Variants in POU6F2 observed in about 807,000 individuals in gnomAD.
POU6F2 encodes POU class 6 homeobox 2.
In POU6F2, 31 loss-of-function variants were observed where a neutral mutation model predicts 71.3. That is an observed-to-expected ratio of 0.43 (90% confidence interval 0.33 to 0.59). The LOEUF (loss-of-function observed/expected upper bound fraction) is 0.59, where lower values mean the gene tolerates loss of function less well. Among genes scored for constraint, POU6F2 ranks in the 20% least tolerant of loss-of-function variants. POU6F2 has a pLI of 0.04. For missense variants in POU6F2, 783 were observed against 856.8 expected, an observed-to-expected ratio of 0.91 and a Z score of 1.07; for synonymous variants, 347 against 355.7, an observed-to-expected ratio of 0.98 and a Z score of 0.27.
chr7:39,279,501 G>A (rs942429495), intron 4 of POU6F2, among the ~76,000 whole-genome samples: 2 of 152,168 alleles, frequency 1.3e-5, no homozygotes, highest in African/African-American at 4.8e-5. Flanking sequence ...CACAAACTGG[G>A]TGGCCTAAAG....
At chr7:39,067,923 A>G (rs1230148609) in intron 1 of POU6F2, among the ~76,000 whole-genome samples, 1 of 152,208 alleles carries the variant, frequency 6.6e-6, no homozygotes, top group Non-Finnish European at 1.5e-5. Flanking sequence ...TACAAAAGAG[A>G]GGCTTTCTCA....
At chr7:39,219,213 A>C (rs1232578107) in intron 4 of POU6F2, among the ~76,000 whole-genome samples, 1 of 152,190 alleles carries the variant, frequency 6.6e-6, no homozygotes, top group East Asian at 1.9e-4. Flanking sequence ...GGAGCCCCCC[A>C]AAAAAGTATG....
chr7:39,309,565 A>C (rs1387143974), intron 4 of POU6F2, among the ~76,000 whole-genome samples: 1 of 152,224 alleles, frequency 6.6e-6, no homozygotes, highest in African/African-American at 2.4e-5. Context: ...CCTTTAAAAA[A>C]AATTTTTTTT....
At chr7:39,432,355 T>G (rs554121398) in intron 6 of POU6F2, among the ~76,000 whole-genome samples, 65 of 152,268 alleles carry the variant, frequency 4.3e-4, no homozygotes, top group African/African-American at 1.5e-3. Flanking sequence ...CTGATTTCAG[T>G]CCTCAGTAGT....
chr7:39,274,427 G>C (rs1444616271), intron 4 of POU6F2, among the ~76,000 whole-genome samples: 28 of 143,714 alleles, frequency 1.9e-4, no homozygotes, highest in South Asian at 7.1e-4. Context: ...CAACCAAAAA[G>C]AGTCCAGGAC....
chr7:39,424,311 A>G (rs1787919035), intron 6 of POU6F2, among the ~76,000 whole-genome samples: 1 of 152,184 alleles, frequency 6.6e-6, no homozygotes, highest in Non-Finnish European at 1.5e-5. Flanking sequence ...CATTTTGCAC[A>G]ATTGACTCCC....
chr7:39,123,233 G>A (rs923884530), intron 2 of POU6F2, among the ~76,000 whole-genome samples: 3 of 152,160 alleles, frequency 2.0e-5, no homozygotes, highest in African/African-American at 4.8e-5. Context: ...TTGTTTCATT[G>A]CACTGTATGT....
chr7:39,286,238 A>G (rs1372180561), intron 4 of POU6F2, among the ~76,000 whole-genome samples: 1 of 152,182 alleles, frequency 6.6e-6, no homozygotes, highest in East Asian at 1.9e-4. Context: ...ACATAGATTC[A>G]AAGACTCTAG....
intron 2 of POU6F2, among the ~76,000 whole-genome samples, chr7:39,094,825 G>A (rs1356976183): frequency 6.6e-6 from 1 of 152,052 alleles, no homozygotes; most frequent in Non-Finnish European, 1.5e-5. Flanking sequence ...CCAGGGTAAA[G>A]GAGAATAAAA....
chr7:39,284,272 A>G (rs370270552), intron 4 of POU6F2, among the ~76,000 whole-genome samples: 1 of 152,220 alleles, frequency 6.6e-6, no homozygotes, highest in Non-Finnish European at 1.5e-5. Context: ...TTGTAGCCCA[A>G]AGTCTTCACA....
In POU6F2 at chr7:39,012,317, G is replaced by A. The variant is rs542717295; in HGVS notation, c.105+34259G>A. On this transcript the variant is annotated intron_variant, in intron 1 of 9. Transcript: ENST00000518318. ...ACCCTTTCTTCCAGTTGATCACATCGGCTCCTGAGTCTTCTGCATTCTTCA... is the reference window on the plus strand; with the variant it reads ...ACCCTTTCTTCCAGTTGATCACATCAGCTCCTGAGTCTTCTGCATTCTTCA... Among the ~76,000 whole-genome samples, 1,089 of 151,604 alleles carry A rather than the reference G, an allele frequency of 7.2e-3. 5 individuals are homozygous for A. Among genetic ancestry groups the A allele is most frequent in the South Asian group, 0.018 (88 of 4,778 alleles).
intron 2 of POU6F2, among the ~76,000 whole-genome samples, chr7:39,180,152 G>C (rs1793409217): frequency 6.6e-6 from 1 of 152,160 alleles, no homozygotes; most frequent in Non-Finnish European, 1.5e-5. Context: ...AGCAGTAACT[G>C]CTAATGGAGG....
At chr7:39,263,880 A>C (rs1315110681) in intron 4 of POU6F2, among the ~76,000 whole-genome samples, 2 of 152,210 alleles carry the variant, frequency 1.3e-5, no homozygotes, top group Non-Finnish European at 2.9e-5. Flanking sequence ...AGTGCCTGGC[A>C]CTACAGAGGC....
rs375721737 is a variant in POU6F2 at position 39,260,431 on chromosome 7, C to T, written c.598+52811C>T. On this transcript the variant is annotated intron_variant, in intron 4 of 9. Transcript: ENST00000518318. The stretch of plus-strand genomic sequence containing the variant: ...ACCACACACCAGAAACACACATATA[C>T]ACACACCCCATACACATACATACCA... 1.5e-3 allele frequency among the ~76,000 whole-genome samples: 220 copies of T among 150,906 alleles called. 1 individual carries two copies. The highest frequency in any genetic ancestry group is 5.0e-3 in the African/African-American group (205 of 41,032).
chr7:39,285,851 TCCCCATCCTCATATCTAAA>T (rs1322942782), intron 4 of POU6F2, among the ~76,000 whole-genome samples: 1 of 152,180 alleles, frequency 6.6e-6, no homozygotes, highest in Non-Finnish European at 1.5e-5. Flanking sequence ...GGTGCCTTCC[TCCCCATCCTCATATCTAAA>T]CCTGTTTTCA....
chr7:39,281,377 G>T (rs952779675), intron 4 of POU6F2, among the ~76,000 whole-genome samples: 19 of 152,034 alleles, frequency 1.2e-4, no homozygotes, highest in Non-Finnish European at 2.1e-4. Context: ...ACCCTACTGT[G>T]CAATAGAATA....
rs1052968633 is a variant in POU6F2 at position 39,171,867 on chromosome 7, C to T, written c.278-32368C>T. 3.9e-5 allele frequency among the ~76,000 whole-genome samples: 6 copies of T among 152,316 alleles called. No homozygotes were observed. The South Asian group carries it at 1.2e-3, about 32-fold the overall frequency. On this transcript the variant is annotated intron_variant, in intron 2 of 9. Transcript: ENST00000518318. ...TCAAGAGAGACTTCTGTATATTTAACTTACATCTTTCATGCTCAACAGTTT... is the reference window on the plus strand; with the variant it reads ...TCAAGAGAGACTTCTGTATATTTAATTTACATCTTTCATGCTCAACAGTTT...
chr7:39,008,207 A>C lies in POU6F2; in HGVS notation c.105+30149A>C, dbSNP rs879360736. Among the ~76,000 whole-genome samples the C allele has an allele frequency of 3.5e-3, 521 of 150,300 alleles. 1 individual carries two copies. Among genetic ancestry groups the C allele is most frequent in the Non-Finnish European group, 5.8e-3 (393 of 67,472 alleles). ...GCACCTGTTGTTTCCTGACTTTTTAATGATTGCCATTCTAACTGGCGTGAG... is the reference window on the plus strand; with the variant it reads ...GCACCTGTTGTTTCCTGACTTTTTACTGATTGCCATTCTAACTGGCGTGAG... On this transcript the variant is annotated intron_variant, in intron 1 of 9. Coordinates refer to ENST00000518318, the MANE Select transcript of POU6F2 (RefSeq NM_001370959.1).
At chr7:39,013,362 G>C (rs1789374167) in intron 1 of POU6F2, 1 of 152,402 alleles carries the variant, frequency 6.6e-6, no homozygotes, top group Non-Finnish European at 1.5e-5. Context: ...TCCCAAGTGA[G>C]GCAATGCCTC....
Sources: allele counts gnomAD v4.1 joint callset (sites outside exome capture counted in the v4.1 genomes callset), GRCh38; gene constraint gnomAD v4.1.1; transcripts MANE v1.5; gene names NCBI Gene and HGNC (gene_info 2026-07-23, HGNC 2026-07-21).